Variants in CFAP74 observed in about 807,000 individuals in gnomAD.
CFAP74 encodes cilia- and flagella-associated protein 74.
A neutral mutation model predicts 188.9 loss-of-function variants in CFAP74; 124 were observed. The ratio of observed to expected loss-of-function variants is 0.66; its 90% CI spans 0.57 to 0.76. CFAP74 has a LOEUF of 0.76. CFAP74 is among the 30% of genes least tolerant of loss of function. CFAP74 has a pLI of 0.00. For missense variants in CFAP74, 2,198 were observed against 2,165.2 expected (o/e 1.02, Z -0.30); for synonymous variants, 956 against 916.7 (o/e 1.04, Z -0.77).
chr1:1,978,855 G>A (rs1267260039), intron 6 of CFAP74, among the ~76,000 whole-genome samples: 6 of 152,254 alleles, frequency 3.9e-5, no homozygotes, highest in African/African-American at 1.2e-4. Context: ...GCGCCCTGCC[G>A]TGGGTCCCAT....
In CFAP74 at chr1:1,923,937, T is replaced by C; in HGVS notation, c.4235-8A>G. On this transcript the variant is annotated splice_region_variant and splice_polypyrimidine_tract_variant and intron_variant, in intron 34 of 38. Coordinates refer to ENST00000682832, the MANE Select transcript of CFAP74 (RefSeq NM_001304360.2). The surrounding 1 kb of genome is among the most constrained non-coding windows in gnomAD (Gnocchi z 6.3). ...CGTTGAGATTCTGCGTCCCTGCGGG[T>C]AGGGTGGGGTGCAGTTTGGCCTTCT... 1 of 1,603,760 alleles carries C rather than the reference T, an allele frequency of 6.2e-7. No individual in the cohort carries two copies. The highest frequency in any genetic ancestry group is 8.5e-7 in the Non-Finnish European group (1 of 1,174,732).
chr1:1,939,826 C>A, intron 23 of CFAP74, 59 bp from the exon 24 acceptor site: 1 of 1,482,050 alleles, frequency 6.7e-7, no homozygotes, highest in South Asian at 1.2e-5. Flanking sequence ...CAAGTGCTCC[C>A]CAAACTCTGA....
rs78740010 is a variant in CFAP74, at chr1:1,934,807, G to A, written c.3011+4048C>T. Among the ~76,000 whole-genome samples the A allele has an allele frequency of 1.6e-3, 63 of 40,158 alleles. 4 individuals carry two copies. The highest frequency in any genetic ancestry group is 4.3e-3 in the South Asian group (4 of 938). The allele number at this position is 40,158 out of a possible 152,430, so 26.3% of individuals were successfully genotyped here. A position where few individuals can be genotyped will look rare whatever the true frequency, so the allele number is the denominator to read the frequency against. Reference sequence around the variant, plus strand: ...TGTTAGGTTGTAGGTACACACGTGTGTATGTGGGTGTTACGTTGTAGGTAC... The same window carrying A: ...TGTTAGGTTGTAGGTACACACGTGTATATGTGGGTGTTACGTTGTAGGTAC... On this transcript the variant is annotated intron_variant, in intron 25 of 38. Transcript: ENST00000682832.
At chr1:1,934,789 T>C (rs1295063542) in intron 25 of CFAP74, among the ~76,000 whole-genome samples, 2 of 142,202 alleles carry the variant, frequency 1.4e-5, no homozygotes, top group South Asian at 2.3e-4. Context: ...GGGTGTTAGG[T>C]TGTAGGTACA....
Position 1,968,760 on chromosome 1 carries a change from C to T in CFAP74, c.1120G>A (p.Glu374Lys), listed in dbSNP as rs377541196. ...SRILKEEAEE[E>K]KRKKQHPPTS... ...GGGGGATGCTGTTTCTTCCTCTTTTCCTCCTCAGCCTCCTCTTTCAGAATC... is the reference window on the plus strand; with the variant it reads ...GGGGGATGCTGTTTCTTCCTCTTTTTCTCCTCAGCCTCCTCTTTCAGAATC... Residue 374 changes from glutamate (E) to lysine (K), a missense_variant, in exon 11 of 39, where the codon GAA becomes AAA. Physicochemically the swap from Glu to Lys is moderately conservative, Grantham distance 56. Coordinates refer to ENST00000682832, the MANE Select transcript of CFAP74 (RefSeq NM_001304360.2). This position sits in a 1 kb window ranked among gnomAD's most constrained non-coding sequence, Gnocchi z 4.3. The T allele has an allele frequency of 3.1e-6, 5 of 1,614,006 alleles. No homozygotes were observed. The highest frequency in any genetic ancestry group is 3.4e-6 in the Non-Finnish European group (4 of 1,179,994).
intron 5 of CFAP74, among the ~76,000 whole-genome samples, chr1:1,985,754 C>T (rs1329638909): frequency 6.6e-6 from 1 of 152,240 alleles, no homozygotes; most frequent in Non-Finnish European, 1.5e-5. Context: ...CTGCATGAAG[C>T]CCCTGGGGGC....
intron 16 of CFAP74, among the ~76,000 whole-genome samples, chr1:1,958,045 T>A (rs1402617990): frequency 6.6e-6 from 1 of 152,202 alleles, no homozygotes; most frequent in Non-Finnish European, 1.5e-5. Context: ...ATGAAGAAAC[T>A]GAGAGGAAAA....
rs769975449 is a variant in CFAP74, at chr1:1,964,976, C to A, written c.1487G>T (p.Arg496Leu). 155 of 1,613,832 alleles carry A rather than the reference C, an allele frequency of 9.6e-5. No homozygotes were observed. Among genetic ancestry groups the A allele is most frequent in the Non-Finnish European group, 1.3e-4 (152 of 1,179,954 alleles). ...CACCTGCTTGTGGACCACCCTGCTC[C>A]GCAGCCGCTCCACCGTGCGCTCCAG... ...DILERTVERL[R>L]SRVVHKQVVW... The change falls in exon 13 of 39, where the codon CGG becomes CTG. Residue 496 changes from arginine to leucine, a missense_variant. Coordinates refer to ENST00000682832, the MANE Select transcript of CFAP74 (RefSeq NM_001304360.2).
rs1653588166 is a variant in CFAP74 at position 1,944,214 on chromosome 1, T to C, written c.2486+117A>G. 11 of 1,453,130 alleles carry C rather than the reference T, an allele frequency of 7.6e-6. No homozygotes were observed. The South Asian group carries it at 1.2e-4, about 16-fold the overall frequency. 90.0% of individuals were successfully genotyped at this position (1,453,130 alleles called of 1,614,324 possible). A position where few individuals can be genotyped will look rare whatever the true frequency, so the allele number is the denominator to read the frequency against. On this transcript the variant is annotated intron_variant, in intron 21 of 38. Coordinates refer to ENST00000682832, the MANE Select transcript of CFAP74 (RefSeq NM_001304360.2). Reference sequence around the variant, plus strand: ...CAGGCAGGCAGCGGCTCACCCCGTGTGCGTGGGTCACCCCGTGTGCGTGGA... The same window carrying C: ...CAGGCAGGCAGCGGCTCACCCCGTGCGCGTGGGTCACCCCGTGTGCGTGGA...
chr1:1,936,480 G>C (rs1652905979), intron 25 of CFAP74, among the ~76,000 whole-genome samples: 1 of 152,032 alleles, frequency 6.6e-6, no homozygotes, highest in Non-Finnish European at 1.5e-5. Context: ...GGAAGCGAAG[G>C]TTGCAGTGAG....
intron 25 of CFAP74, among the ~76,000 whole-genome samples, chr1:1,937,689 G>A (rs1405986588): frequency 6.6e-6 from 1 of 152,146 alleles, no homozygotes; most frequent in African/African-American, 2.4e-5. Context: ...GACGGTCCCA[G>A]CAGCAACAAG....
chr1:1,971,578 C>T (rs1018414719), intron 9 of CFAP74, among the ~76,000 whole-genome samples: 3 of 152,256 alleles, frequency 2.0e-5, no homozygotes, highest in African/African-American at 7.2e-5. Flanking sequence ...CGTCACCTGC[C>T]CGCCTCTGCT....
intron 25 of CFAP74, among the ~76,000 whole-genome samples, chr1:1,931,105 C>T (rs1455085035): frequency 1.3e-5 from 2 of 152,084 alleles, no homozygotes; most frequent in African/African-American, 2.4e-5. Context: ...ATTTTTATGT[C>T]CTGTGACCAC....
chr1:1,923,704 T>G lies in CFAP74; in HGVS notation c.4389+71A>C. 6.2e-7 allele frequency: 1 copy of G among 1,600,656 alleles called. No individual in the cohort carries two copies. The highest frequency in any genetic ancestry group is 2.2e-5 in the East Asian group (1 of 44,784). On this transcript the variant is annotated intron_variant, in intron 35 of 38. Transcript: ENST00000682832. This position sits in a 1 kb window ranked among gnomAD's most constrained non-coding sequence, Gnocchi z 6.3. ...CCTCAGGGCCTCCAAAGTGGAGCAGTGCAGCCAAAGGCAAGGCCCTGCGTG... is the reference window on the plus strand; with the variant it reads ...CCTCAGGGCCTCCAAAGTGGAGCAGGGCAGCCAAAGGCAAGGCCCTGCGTG...
chr1:1,965,168 G>A, intron 12 of CFAP74, 107 bp from the exon 13 acceptor site: 1 of 1,097,392 alleles, frequency 9.1e-7, no homozygotes, highest in East Asian at 2.6e-5. Flanking sequence ...GGACAGCCCA[G>A]CCCCACCGGC....
chr1:1,934,940 T>TAATG (rs1557997614), intron 25 of CFAP74, among the ~76,000 whole-genome samples: 10 of 90,028 alleles, frequency 1.1e-4, no homozygotes, highest in South Asian at 4.9e-4. Flanking sequence ...CACAGGTGTG[T>TAATG]ACGTGGGTGT....
chr1:1,949,065 T>TTTCCTTTCCCTCCTTCCTCCCTCCC (rs1654031156), intron 18 of CFAP74, among the ~76,000 whole-genome samples: 1 of 118,046 alleles, frequency 8.5e-6, no homozygotes, highest in African/African-American at 3.4e-5. Flanking sequence ...CCTTCCTTCC[T>TTTCCTTTCCCTCCTTCCTCCCTCCC]TCCTTTCCTT....
At chr1:1,960,099 G>A in intron 14 of CFAP74, 69 bp from the exon 15 acceptor site, 1 of 1,386,332 alleles carries the variant, frequency 7.2e-7, no homozygotes. Context: ...TCACCACCCA[G>A]AGCACAGTCA....
chr1:1,988,304 C>T (rs1347787213), intron 4 of CFAP74, among the ~76,000 whole-genome samples: 1 of 152,226 alleles, frequency 6.6e-6, no homozygotes, highest in East Asian at 1.9e-4. Flanking sequence ...CCACTTGTTT[C>T]CGCCTTTTCT....
Sources: allele counts gnomAD v4.1 joint callset (sites outside exome capture counted in the v4.1 genomes callset), GRCh38; gene constraint gnomAD v4.1.1; non-coding constraint Gnocchi (gnomAD v3.1); transcripts MANE v1.5; gene names NCBI Gene and HGNC (gene_info 2026-07-23, HGNC 2026-07-21).